UBE2H: variants seen among roughly 807,000 people sequenced by gnomAD.
The protein encoded by UBE2H is ubiquitin conjugating enzyme E2 H.
UBE2H carries 3 observed loss-of-function variants against 29.0 expected under a neutral mutation model. That is an observed-to-expected ratio of 0.10 (90% confidence interval 0.05 to 0.27). UBE2H has a LOEUF of 0.27. Ranked by LOEUF, UBE2H falls within the 10% of genes least tolerant of loss-of-function variation. The probability of loss-of-function intolerance (pLI) is 1.00; values close to 1 mark genes in which losing one functional copy is unlikely to be tolerated. For synonymous variants in UBE2H, 69 were observed against 82.9 expected (o/e 0.83, Z 0.91); for missense variants, 68 against 228.2 (o/e 0.30, Z 4.52).
chr7:129,855,239 A>G (rs1308001154), intron 5 of UBE2H, among the ~76,000 whole-genome samples: 1 of 152,242 alleles, frequency 6.6e-6, no homozygotes, highest in Non-Finnish European at 1.5e-5. Flanking sequence ...CAGTCAGCAA[A>G]CATCTTTCAC....
chr7:129,921,740 G>T (rs558572702), intron 1 of UBE2H, among the ~76,000 whole-genome samples: 110 of 146,376 alleles, frequency 7.5e-4, no homozygotes, highest in African/African-American at 2.6e-3. Context: ...TTATTAGAAT[G>T]AATGAGAACA....
At chr7:129,873,885 C>G (rs1025733558) in intron 3 of UBE2H, among the ~76,000 whole-genome samples, 2 of 152,182 alleles carry the variant, frequency 1.3e-5, no homozygotes, top group Non-Finnish European at 2.9e-5. Flanking sequence ...CAAATTGCAA[C>G]CCAGAGGCAA....
chr7:129,878,217 G>A (rs1806185004), intron 3 of UBE2H, among the ~76,000 whole-genome samples: 2 of 152,224 alleles, frequency 1.3e-5, no homozygotes, highest in Non-Finnish European at 1.5e-5. Context: ...AGATGTGCTC[G>A]GGGGCTGTCT....
chr7:129,846,808 C>T (rs921791887), intron 5 of UBE2H, among the ~76,000 whole-genome samples: 2 of 152,100 alleles, frequency 1.3e-5, no homozygotes, highest in Non-Finnish European at 2.9e-5. Context: ...GCCATTCTTC[C>T]GTTCTCAATC....
chr7:129,849,435 G>C (rs761855902), intron 5 of UBE2H, among the ~76,000 whole-genome samples: 4 of 152,026 alleles, frequency 2.6e-5, no homozygotes, highest in Non-Finnish European at 4.4e-5. Flanking sequence ...AAAATTAGTC[G>C]GGTTTGGTGG....
rs985739141 is a variant in UBE2H, at chr7:129,835,134, G to T, written c.428-73C>A. ...TGTGCTTTGGCGACCCCAAAAAGCT[G>T]GCAAGGCTGCGGAGGTTCAAACTTA... On this transcript the variant is annotated intron_variant, in intron 6 of 6. Transcript: ENST00000355621. The T allele has an allele frequency of 3.1e-6, 5 of 1,603,690 alleles. No homozygotes were observed. The Admixed American group carries it at 8.5e-5, about 27-fold the overall frequency.
chr7:129,945,043 G>A (rs766770271), intron 1 of UBE2H, among the ~76,000 whole-genome samples: 8 of 152,072 alleles, frequency 5.3e-5, no homozygotes, highest in Admixed American at 1.3e-4. Flanking sequence ...GAATGATTCC[G>A]CTTATATATA....
intron 1 of UBE2H, among the ~76,000 whole-genome samples, chr7:129,944,329 T>C (rs1172545507): frequency 6.6e-6 from 1 of 152,194 alleles, no homozygotes; most frequent in Non-Finnish European, 1.5e-5. Context: ...ACACTCAGCC[T>C]GGGCGACAGA....
intron 3 of UBE2H, among the ~76,000 whole-genome samples, chr7:129,859,880 A>C (rs1370318723): frequency 2.0e-5 from 3 of 151,842 alleles, no homozygotes; most frequent in Non-Finnish European, 4.4e-5. Context: ...CCCCATCCCC[A>C]CAGTCTCTCT....
chr7:129,835,124 C>T lies in UBE2H; in HGVS notation c.428-63G>A, dbSNP rs1020989439. 2.5e-6 allele frequency: 4 copies of T among 1,604,888 alleles called. No individual in the cohort carries two copies. In the African/African-American group the frequency reaches 4.0e-5, roughly 16 times the overall value. ...TGGGCAGGCATGTGCTTTGGCGACC[C>T]CAAAAAGCTGGCAAGGCTGCGGAGG... is the stretch of plus-strand genomic sequence containing the variant. On this transcript the variant is annotated intron_variant, in intron 6 of 6. Coordinates refer to ENST00000355621, the MANE Select transcript of UBE2H (RefSeq NM_003344.4).
At position 129,863,070 on chromosome 7, in the gene UBE2H, C is replaced by T. The variant is rs143070596; in HGVS notation, c.206-4129G>A. Among the ~76,000 whole-genome samples, 738 of 152,292 alleles carry T rather than the reference C, an allele frequency of 4.8e-3. 8 individuals carry two copies. Among genetic ancestry groups the T allele is most frequent in the Non-Finnish European group, 6.9e-3 (471 of 68,032 alleles). On this transcript the variant is annotated intron_variant, in intron 3 of 6. Transcript: ENST00000355621. ...GGTAAGCTTTAAATGTTTATCAAAA[C>T]GTCTCTGAAAGACTAAGGTGCCTCC... is the stretch of plus-strand genomic sequence containing the variant.
intron 1 of UBE2H, among the ~76,000 whole-genome samples, chr7:129,947,729 C>T (rs868767306): frequency 8.2e-6 from 1 of 121,652 alleles, no homozygotes. Flanking sequence ...TGACCTAACA[C>T]AGCCTGTCCT....
chr7:129,943,917 T>C (rs1807699009), intron 1 of UBE2H, among the ~76,000 whole-genome samples: 1 of 151,980 alleles, frequency 6.6e-6, no homozygotes, highest in Non-Finnish European at 1.5e-5. Context: ...TAAATCATTA[T>C]TCAAGTGAAA....
intron 5 of UBE2H, among the ~76,000 whole-genome samples, chr7:129,848,940 G>C (rs953835254): frequency 1.3e-5 from 2 of 149,738 alleles, no homozygotes; most frequent in Non-Finnish European, 3.0e-5. Flanking sequence ...TTTCCTCAAG[G>C]GTGTATTAGA....
At chr7:129,840,314 G>C (rs1805405906) in intron 5 of UBE2H, among the ~76,000 whole-genome samples, 1 of 151,886 alleles carries the variant, frequency 6.6e-6, no homozygotes, top group South Asian at 2.1e-4. Flanking sequence ...AGTCTTCCAA[G>C]TAAATTGGAC....
chr7:129,931,470 T>C (rs758958906), intron 1 of UBE2H, among the ~76,000 whole-genome samples: 1 of 152,122 alleles, frequency 6.6e-6, no homozygotes, highest in Non-Finnish European at 1.5e-5. Flanking sequence ...AAAATATTAA[T>C]TCATTTAAAA....
chr7:129,847,019 A>AT (rs1453396952), intron 5 of UBE2H, among the ~76,000 whole-genome samples: 3 of 144,142 alleles, frequency 2.1e-5, no homozygotes, highest in Non-Finnish European at 3.0e-5. Flanking sequence ...TATTATTATT[A>AT]TTATTATTAT....
At chr7:129,911,137 C>T (rs780480355) in intron 1 of UBE2H, among the ~76,000 whole-genome samples, 1 of 151,976 alleles carries the variant, frequency 6.6e-6, no homozygotes, top group South Asian at 2.1e-4. Context: ...GGCCAAGGCG[C>T]GCAGATCACA....
At position 129,952,544 on chromosome 7, in the gene UBE2H, G is replaced by T; in HGVS notation, c.12C>A (p.Pro4=). Residue 4 remains proline (P), a synonymous_variant, in exon 1 of 7, where the codon CCC becomes CCA. Coordinates refer to ENST00000355621, the MANE Select transcript of UBE2H (RefSeq NM_003344.4). ...TGTCCATCCGCCTCTTGCCCGGACT[G>T]GGAGATGACATGGTGTCGCCGCCGC... MSS[P]SPGKRRMDTD... The T allele has an allele frequency of 6.2e-7, 1 of 1,612,714 alleles. No homozygotes were observed. The highest frequency in any genetic ancestry group is 1.1e-5 in the South Asian group (1 of 91,010).
Sources: allele counts gnomAD v4.1 joint callset (sites outside exome capture counted in the v4.1 genomes callset), GRCh38; gene constraint gnomAD v4.1.1; transcripts MANE v1.5; gene names NCBI Gene and HGNC (gene_info 2026-07-23, HGNC 2026-07-21).